Variants in GON4L observed in about 807,000 individuals in gnomAD.
GON4L encodes the protein gon-4 like.
In GON4L, 87 loss-of-function variants were observed where a neutral mutation model predicts 211.8. The observed-to-expected ratio is 0.41, with a 90% confidence interval of 0.35 to 0.49. The LOEUF (loss-of-function observed/expected upper bound fraction) is 0.49. Among genes scored for constraint, GON4L ranks in the 20% least tolerant of loss-of-function variants. The pLI is 0.15. For synonymous variants in GON4L, 875 were observed against 962.6 expected, an observed-to-expected ratio of 0.91 and a Z score of 1.68; for missense variants, 2,155 against 2,659.5, an observed-to-expected ratio of 0.81 and a Z score of 4.17.
intron 14 of GON4L, among the ~76,000 whole-genome samples, chr1:155,778,290 C>T (rs927125573): frequency 5.1e-4 from 77 of 152,018 alleles, no homozygotes; most frequent in African/African-American, 1.4e-3. Flanking sequence ...CTCGCTCTGT[C>T]GCCCAGGCTG....
chr1:155,789,289 T>C (rs1445850254), intron 12 of GON4L, among the ~76,000 whole-genome samples: 1 of 152,008 alleles, frequency 6.6e-6, no homozygotes, highest in African/African-American at 2.4e-5. Flanking sequence ...AAATTACCTA[T>C]AAAAAGAAAT....
At chr1:155,839,461 C>T (rs994858599) in intron 2 of GON4L, among the ~76,000 whole-genome samples, 1 of 151,966 alleles carries the variant, frequency 6.6e-6, no homozygotes, top group Non-Finnish European at 1.5e-5. Flanking sequence ...CCAGCCTGGC[C>T]AAGATGGTGA....
downstream of GON4L, chr1:155,748,490 A>G (rs550746044): frequency 3.7e-6 from 6 of 1,613,180 alleles, no homozygotes; most frequent in Middle Eastern, 1.7e-4. Flanking sequence ...TCCAGTTTCC[A>G]TGGTTCATCT....
At chr1:155,781,063 A>G (rs1411950282) in intron 14 of GON4L, among the ~76,000 whole-genome samples, 1 of 152,182 alleles carries the variant, frequency 6.6e-6, no homozygotes, top group African/African-American at 2.4e-5. Context: ...CTGAAGGAAC[A>G]GAAGACCAGA....
chr1:155,767,367 C>G, intron 20 of GON4L, 58 bp downstream of exon 20: 1 of 1,613,916 alleles, frequency 6.2e-7, no homozygotes, highest in East Asian at 2.2e-5. Context: ...CCTTGATATT[C>G]TCTCAGAACT....
intron 12 of GON4L, among the ~76,000 whole-genome samples, chr1:155,794,746 T>A (rs1665913981): frequency 6.6e-6 from 1 of 152,208 alleles, no homozygotes; most frequent in African/African-American, 2.4e-5. Context: ...TATTGTAACT[T>A]TTTCTGTTTC....
At chr1:155,813,883 G>A in intron 9 of GON4L, 79 bp from the exon 10 acceptor site, 3 of 1,171,252 alleles carry the variant, frequency 2.6e-6, no homozygotes, top group Non-Finnish European at 2.5e-6. Context: ...AAAAAAGAGA[G>A]GGAAAAAGAG....
At chr1:155,745,723 C>G, downstream of GON4L, 1 of 971,570 alleles carries the variant, frequency 1.0e-6, no homozygotes, top group East Asian at 2.4e-5. Context: ...TGTTTGCGGA[C>G]CAATAAGTCG....
intron 22 of GON4L, 81 bp from the exon 23 acceptor site, chr1:155,762,455 C>A: frequency 1.7e-6 from 2 of 1,150,414 alleles, no homozygotes; most frequent in South Asian, 1.5e-5. Context: ...ACCACCCCAG[C>A]CAAATCCTAT....
At chr1:155,827,704 A>T (rs1405782480) in intron 2 of GON4L, among the ~76,000 whole-genome samples, 2 of 151,670 alleles carry the variant, frequency 1.3e-5, no homozygotes, top group Non-Finnish European at 2.9e-5. Flanking sequence ...ACACACAAAA[A>T]AAAAAGCCAG....
At chr1:155,844,050 C>A (rs1445916978) in intron 2 of GON4L, among the ~76,000 whole-genome samples, 2 of 152,078 alleles carry the variant, frequency 1.3e-5, no homozygotes, top group Admixed American at 6.6e-5. Context: ...CATTCATAAC[C>A]CCATAAAATC....
At chr1:155,835,903 T>C (rs1264790123) in intron 2 of GON4L, among the ~76,000 whole-genome samples, 2 of 152,104 alleles carry the variant, frequency 1.3e-5, no homozygotes, top group African/African-American at 4.8e-5. Flanking sequence ...AAGAGACCAA[T>C]AATAAGCCAA....
downstream of GON4L, chr1:155,747,597 G>A (rs1660283802): frequency 6.2e-7 from 1 of 1,612,958 alleles, no homozygotes; most frequent in African/African-American, 1.3e-5. Context: ...TGGCCAAGGG[G>A]AAAGTGTCCT....
Position 155,753,380 on chromosome 1 carries a change from G to T in GON4L, c.5666C>A (p.Pro1889His). 6.2e-7 allele frequency: 1 copy of T among 1,613,656 alleles called. No individual in the cohort carries two copies. ...GGGGCTGCTGCCCACCAACTCATGG[G>T]GCTCCTTGCTCTTGTAGGATTTGCT... ...CDSKSYKSKE[P>H]HELVGSSPHR... is the part of the protein sequence containing the mutation. Residue 1889 changes from proline (P) to histidine (H), a missense_variant, in exon 29 of 32, where the codon CCC (proline) becomes CAC (histidine). Pro to His is a moderately conservative substitution (Grantham distance 77, BLOSUM62 -2). Around this residue, in one of 6 missense-constraint regions of GON4L, gnomAD observed 455 missense variants for 504.6 expected, o/e 0.90. Coordinates refer to ENST00000368331, the MANE Select transcript of GON4L (RefSeq NM_001282860.2).
chr1:155,823,334 T>C (rs890943173), intron 3 of GON4L, among the ~76,000 whole-genome samples: 2 of 152,126 alleles, frequency 1.3e-5, no homozygotes, highest in Non-Finnish European at 2.9e-5. Flanking sequence ...AAAAACATGA[T>C]CTTAATAGAG....
intron 11 of GON4L, among the ~76,000 whole-genome samples, chr1:155,799,937 A>G (rs1275156560): frequency 1.3e-5 from 2 of 152,248 alleles, no homozygotes; most frequent in Admixed American, 1.3e-4. Context: ...GCAGTGGCTC[A>G]TGCCTGTAGT....
chr1:155,833,405 T>C (rs2102357531), intron 2 of GON4L, among the ~76,000 whole-genome samples: 1 of 151,584 alleles, frequency 6.6e-6, no homozygotes, highest in East Asian at 1.9e-4. Context: ...ATCCCAGCAT[T>C]TTGGGAGGCC....
chr1:155,751,338 G>C (rs1160839938), intron 31 of GON4L, among the ~76,000 whole-genome samples: 1 of 152,032 alleles, frequency 6.6e-6, no homozygotes, highest in Non-Finnish European at 1.5e-5. Context: ...CTGAGGTCAG[G>C]AGTTCAAGAC....
chr1:155,808,977 A>T (rs1667427894), intron 10 of GON4L, among the ~76,000 whole-genome samples: 1 of 152,076 alleles, frequency 6.6e-6, no homozygotes, highest in Non-Finnish European at 1.5e-5. Context: ...ATAGGGGTGC[A>T]GTCATGGCTC....
Sources: gnomAD v4.1 joint callset for allele counts (sites outside exome capture counted in the v4.1 genomes callset) on GRCh38, gnomAD v4.1.1 for gene constraint, gnomAD v4.1.1 regional missense constraint, MANE v1.5 for transcripts, NCBI Gene and HGNC (gene_info 2026-07-23, HGNC 2026-07-21) for gene names.